The following PITPNC1 variants were observed in gnomAD, a reference collection of about 807,000 sequenced individuals.
PITPNC1 encodes the protein phosphatidylinositol transfer protein cytoplasmic 1, also known as cytoplasmic phosphatidylinositol transfer protein 1.
A neutral mutation model predicts 44.7 loss-of-function variants in PITPNC1; 18 were observed. That is an observed-to-expected ratio of 0.40 (90% CI 0.28 to 0.60). The LOEUF is 0.60. Among genes scored for constraint, PITPNC1 ranks in the 20% least tolerant of loss-of-function variants. The probability of loss-of-function intolerance (pLI) is 0.39; values close to 1 mark genes in which losing one functional copy is unlikely to be tolerated. For synonymous variants in PITPNC1, 141 were observed against 149.6 expected, an observed-to-expected ratio of 0.94 and a Z score of 0.42; for missense variants, 290 against 418.4, an observed-to-expected ratio of 0.69 and a Z score of 2.68.
Position 67,422,574 on chromosome 17 carries a change from G to A in PITPNC1, c.48+44372G>A, listed in dbSNP as rs189420193. ...CTTTTTTTCTTTTTTTTGAGACAGAGTCTTGCTCTGTCACCCAGGCTGGAG... is the reference window on the plus strand; with the variant it reads ...CTTTTTTTCTTTTTTTTGAGACAGAATCTTGCTCTGTCACCCAGGCTGGAG... On this transcript the variant is annotated intron_variant, in intron 1 of 8. Coordinates refer to ENST00000581322, the MANE Select transcript of PITPNC1 (RefSeq NM_012417.4). 8.0e-4 allele frequency among the ~76,000 whole-genome samples: 121 copies of A among 152,124 alleles called. 2 individuals carry two copies. In the East Asian group the frequency reaches 0.022, roughly 28 times the overall value.
At chr17:67,471,532 C>G (rs770770959) in intron 1 of PITPNC1, 2 of 371,200 alleles carry the variant, frequency 5.4e-6, no homozygotes, top group Admixed American at 3.8e-5. Context: ...TTTGCCATTA[C>G]TTTCAATGGC....
intron 7 of PITPNC1, 119 bp from the exon 8 acceptor site, chr17:67,675,360 T>C: frequency 2.7e-6 from 2 of 753,840 alleles, no homozygotes; most frequent in Non-Finnish European, 4.7e-6. Flanking sequence ...TCATCACCTA[T>C]GGACAGAGGG....
At chr17:67,380,366 C>T (rs926952300) in intron 1 of PITPNC1, among the ~76,000 whole-genome samples, 18 of 152,188 alleles carry the variant, frequency 1.2e-4, no homozygotes, top group African/African-American at 3.1e-4. Flanking sequence ...TGAGCCACTG[C>T]GCCCAGCCAG....
chr17:67,588,242 G>A (rs2041347921), intron 5 of PITPNC1, among the ~76,000 whole-genome samples: 1 of 152,138 alleles, frequency 6.6e-6, no homozygotes, highest in African/African-American at 2.4e-5. Flanking sequence ...GACCTCAAGT[G>A]ATCTGCCCAC....
intron 4 of PITPNC1, among the ~76,000 whole-genome samples, chr17:67,555,434 G>A: frequency 6.6e-6 from 1 of 152,142 alleles, no homozygotes; most frequent in Non-Finnish European, 1.5e-5. Context: ...ATATAAAGCT[G>A]TTAGCACACT....
intron 5 of PITPNC1, among the ~76,000 whole-genome samples, chr17:67,626,817 A>T (rs2041901770): frequency 7.0e-6 from 1 of 142,992 alleles, no homozygotes; most frequent in Admixed American, 6.8e-5. Flanking sequence ...TCTCAGACTC[A>T]TGAAAAAAAA....
chr17:67,570,716 A>G (rs970741835), intron 4 of PITPNC1, among the ~76,000 whole-genome samples: 1 of 152,080 alleles, frequency 6.6e-6, no homozygotes, highest in African/African-American at 2.4e-5. Context: ...GCCCCAAGTC[A>G]CACAGTTTGT....
chr17:67,422,144 C>T (rs1435434527), intron 1 of PITPNC1, among the ~76,000 whole-genome samples: 1 of 152,196 alleles, frequency 6.6e-6, no homozygotes, highest in Non-Finnish European at 1.5e-5. Context: ...GATGTGCCAA[C>T]ATACGCTTCC....
At chr17:67,399,465 G>A (rs964950153) in intron 1 of PITPNC1, among the ~76,000 whole-genome samples, 3 of 152,166 alleles carry the variant, frequency 2.0e-5, no homozygotes, top group Non-Finnish European at 2.9e-5. Flanking sequence ...GGGCAAATGC[G>A]TTGTTGATGT....
chr17:67,488,763 C>T (rs372189197), intron 1 of PITPNC1, among the ~76,000 whole-genome samples: 26 of 152,214 alleles, frequency 1.7e-4, no homozygotes, highest in African/African-American at 5.1e-4. Context: ...GGCAGCCGCC[C>T]GTCTCTGAAT....
intron 1 of PITPNC1, among the ~76,000 whole-genome samples, chr17:67,427,917 C>T (rs952958367): frequency 1.3e-5 from 2 of 152,136 alleles, no homozygotes; most frequent in South Asian, 4.1e-4. Flanking sequence ...GATAATAGTT[C>T]ATCTTGTCTA....
chr17:67,438,568 G>A (rs925754059), intron 1 of PITPNC1, among the ~76,000 whole-genome samples: 5 of 152,122 alleles, frequency 3.3e-5, no homozygotes, highest in East Asian at 3.8e-4. Context: ...TGCCTGCCTC[G>A]GCCTCCTAAA....
intron 2 of PITPNC1, 126 bp downstream of exon 2, chr17:67,533,076 C>A: frequency 1.5e-6 from 1 of 684,240 alleles, no homozygotes; most frequent in Non-Finnish European, 2.4e-6. Context: ...CCACCGTCTA[C>A]GACCACCAAT....
chr17:67,488,202 T>C (rs1184468073), intron 1 of PITPNC1, among the ~76,000 whole-genome samples: 1 of 152,224 alleles, frequency 6.6e-6, no homozygotes, highest in Non-Finnish European at 1.5e-5. Flanking sequence ...ATAAGCGGCA[T>C]CACTGCATTT....
At chr17:67,465,551 C>A (rs148071741) in intron 1 of PITPNC1, among the ~76,000 whole-genome samples, 2,856 of 152,246 alleles carry the variant, frequency 0.019, 77 homozygotes, top group African/African-American at 0.059. Context: ...GCAAAATCAG[C>A]TTTTTTGTGG....
chr17:67,687,243 T>C (rs2042833668), intron 8 of PITPNC1: 2 of 919,794 alleles, frequency 2.2e-6, no homozygotes, highest in South Asian at 1.4e-5. Flanking sequence ...TGTAAACTGA[T>C]CTGGGAAATA....
chr17:67,509,529 T>A (rs985130836), intron 1 of PITPNC1, among the ~76,000 whole-genome samples: 1 of 151,230 alleles, frequency 6.6e-6, no homozygotes. Context: ...AGAGTGAGGC[T>A]CCATCTCTAA....
Position 67,500,717 on chromosome 17 carries a change from C to T in PITPNC1, c.49-32085C>T, listed in dbSNP as rs2040015599. Among the ~76,000 whole-genome samples, 5 of 150,996 alleles carry T rather than the reference C, an allele frequency of 3.3e-5. No individual in the cohort carries two copies. The South Asian group carries it at 1.0e-3, about 32-fold the overall frequency. On this transcript the variant is annotated intron_variant, in intron 1 of 8. Coordinates refer to ENST00000581322, the MANE Select transcript of PITPNC1 (RefSeq NM_012417.4). The stretch of plus-strand genomic sequence containing the variant: ...TCACTCTGTCAGCCAGGCTGGAGTA[C>T]AGTGGCACAATCACGGATCATGGCC...
chr17:67,609,361 C>T (rs2144289932), intron 5 of PITPNC1, among the ~76,000 whole-genome samples: 1 of 148,888 alleles, frequency 6.7e-6, no homozygotes, highest in East Asian at 2.0e-4. Context: ...GCAATCTCGG[C>T]TTACTGCAAC....
Sources: allele counts gnomAD v4.1 joint callset (sites outside exome capture counted in the v4.1 genomes callset), GRCh38; gene constraint gnomAD v4.1.1; transcripts MANE v1.5; gene names NCBI Gene and HGNC (gene_info 2026-07-23, HGNC 2026-07-21).